ZFHX3: variants seen among roughly 807,000 people sequenced by gnomAD.
The protein encoded by ZFHX3 is zinc finger homeobox protein 3.
A neutral mutation model predicts 279.1 loss-of-function variants in ZFHX3; 42 were observed. That is an observed-to-expected ratio of 0.15 (90% CI 0.12 to 0.19). ZFHX3 has a LOEUF of 0.19. ZFHX3 is among the 10% of genes least tolerant of loss of function. ZFHX3 has a pLI of 1.00. For synonymous variants in ZFHX3, 2,293 were observed against 1,957.8 expected (o/e 1.17, Z -4.52); for missense variants, 4,981 against 4,754.0 (o/e 1.05, Z -1.40).
At chr16:73,164,801 C>T (rs544525129) in intron 5 of ZFHX3, among the ~76,000 whole-genome samples, 98 of 152,080 alleles carry the variant, frequency 6.4e-4, no homozygotes, top group Non-Finnish European at 1.2e-3. Flanking sequence ...CTCATTAATG[C>T]TTTATGTGTT....
intron 1 of ZFHX3, among the ~76,000 whole-genome samples, chr16:73,681,544 G>A (rs1451862967): frequency 1.3e-5 from 2 of 152,192 alleles, no homozygotes; most frequent in African/African-American, 2.4e-5. Flanking sequence ...TCTAGAGCAC[G>A]TTGAGGTTTG....
At chr16:73,543,462 T>C (rs2020052750) in intron 2 of ZFHX3, among the ~76,000 whole-genome samples, 1 of 152,156 alleles carries the variant, frequency 6.6e-6, no homozygotes, top group South Asian at 2.1e-4. Flanking sequence ...TCCGGAATCC[T>C]TTGGAGGCAC....
chr16:73,233,719 A>G (rs1281535285), intron 5 of ZFHX3, among the ~76,000 whole-genome samples: 4 of 151,804 alleles, frequency 2.6e-5, no homozygotes, highest in Non-Finnish European at 5.9e-5. Flanking sequence ...AACGAGCTGG[A>G]TTTTCTTTCT....
At chr16:73,281,049 G>A (rs1005235843) in intron 4 of ZFHX3, among the ~76,000 whole-genome samples, 1 of 147,454 alleles carries the variant, frequency 6.8e-6, no homozygotes, top group African/African-American at 2.5e-5. Context: ...GGGGAGGGGA[G>A]GGGAGGGGAG....
chr16:73,820,595 G>C (rs328326), intron 1 of ZFHX3, among the ~76,000 whole-genome samples: 52,852 of 151,674 alleles, frequency 0.35, 9,319 homozygotes, highest in Admixed American at 0.37. Flanking sequence ...CCACACATGA[G>C]TCCAGCTCCA....
intron 2 of ZFHX3, among the ~76,000 whole-genome samples, chr16:73,507,266 C>G (rs1352421868): frequency 6.6e-6 from 1 of 152,134 alleles, no homozygotes. Context: ...TATAGAACAT[C>G]CGGAATAGAC....
chr16:73,012,463 T>C (rs1224997149), intron 1 of ZFHX3, among the ~76,000 whole-genome samples: 1 of 152,170 alleles, frequency 6.6e-6, no homozygotes, highest in Non-Finnish European at 1.5e-5. Context: ...TGGAGGAATG[T>C]GTTAGGTTCT....
At position 73,398,238 on chromosome 16, in the gene ZFHX3, G is replaced by A. The variant is rs12448949; in HGVS notation, c.-1291+57765C>T. ...CAGGAGAGATTACTGAGGAGTCTTC[G>A]GCAAATCAACAGAATTTAAAGCCAC... On this transcript the variant is annotated intron_variant, in intron 3 of 17. Coordinates refer to the ZFHX3 transcript ENST00000641206. Among the ~76,000 whole-genome samples the A allele has an allele frequency of 7.5e-3, 1,147 of 152,222 alleles. 39 individuals carry two copies. The highest frequency in any genetic ancestry group is 0.065 in the Admixed American group (989 of 15,290).
chr16:72,938,601 G>C (rs1010907793), intron 3 of ZFHX3, among the ~76,000 whole-genome samples: 13 of 152,228 alleles, frequency 8.5e-5, no homozygotes, highest in African/African-American at 2.9e-4. Context: ...CATCCACAGA[G>C]GTGTCACTCG....
At chr16:73,832,025 C>T (rs758370485) in intron 1 of ZFHX3, among the ~76,000 whole-genome samples, 4 of 152,162 alleles carry the variant, frequency 2.6e-5, no homozygotes, top group African/African-American at 4.8e-5. Flanking sequence ...CTCAGCCTCC[C>T]GAGTAGCTGG....
intron 1 of ZFHX3, among the ~76,000 whole-genome samples, chr16:73,874,805 A>C (rs950929179): frequency 1.3e-5 from 2 of 152,214 alleles, no homozygotes; most frequent in Admixed American, 1.3e-4. Flanking sequence ...TAGATTAAAG[A>C]ATTTTTATAA....
intron 3 of ZFHX3, among the ~76,000 whole-genome samples, chr16:73,415,188 A>G (rs2017547208): frequency 6.6e-6 from 1 of 152,202 alleles, no homozygotes; most frequent in Non-Finnish European, 1.5e-5. Context: ...AGGCAAAATA[A>G]TCAGTAATTT....
At chr16:73,077,659 A>G (rs1262130924) in intron 8 of ZFHX3, among the ~76,000 whole-genome samples, 1 of 152,234 alleles carries the variant, frequency 6.6e-6, no homozygotes, top group Non-Finnish European at 1.5e-5. Context: ...CTCCACTTTG[A>G]CAAGCCTATT....
intron 3 of ZFHX3, among the ~76,000 whole-genome samples, chr16:73,322,001 G>A (rs540383795): frequency 2.6e-5 from 4 of 152,198 alleles, no homozygotes; most frequent in African/African-American, 4.8e-5. Flanking sequence ...GGAGGTAGAC[G>A]CTGAGAATAA....
At chr16:72,854,336 C>A (rs74575745) in intron 4 of ZFHX3, among the ~76,000 whole-genome samples, 1 of 152,104 alleles carries the variant, frequency 6.6e-6, no homozygotes, top group Non-Finnish European at 1.5e-5. Context: ...ACTTCTATAC[C>A]GAAAGAAATG....
chr16:73,374,095 G>C (rs146127872), intron 3 of ZFHX3, among the ~76,000 whole-genome samples: 26 of 152,254 alleles, frequency 1.7e-4, no homozygotes, highest in African/African-American at 6.3e-4. Flanking sequence ...ATCACCTATC[G>C]ACGCAGAGGC....
intron 3 of ZFHX3, among the ~76,000 whole-genome samples, chr16:73,347,999 G>T (rs561947835): frequency 6.6e-6 from 1 of 152,208 alleles, no homozygotes; most frequent in Non-Finnish European, 1.5e-5. Context: ...TGTTCCTTAG[G>T]CAGTTGACTG....
chr16:72,876,373 C>T (rs1460620501), intron 4 of ZFHX3, among the ~76,000 whole-genome samples: 1 of 152,124 alleles, frequency 6.6e-6, no homozygotes, highest in Non-Finnish European at 1.5e-5. Flanking sequence ...GCTCTGAGCT[C>T]CCACAAGTGT....
At chr16:73,377,304 C>T (rs112223129) in intron 3 of ZFHX3, among the ~76,000 whole-genome samples, 2 of 152,048 alleles carry the variant, frequency 1.3e-5, no homozygotes, top group African/African-American at 2.4e-5. Flanking sequence ...AACAGTGTCC[C>T]CAGTGGTCTC....
Sources: allele counts gnomAD v4.1 joint callset (sites outside exome capture counted in the v4.1 genomes callset), GRCh38; gene constraint gnomAD v4.1.1; transcripts MANE v1.5; gene names NCBI Gene and HGNC (gene_info 2026-07-23, HGNC 2026-07-21).